Variants in CADM2 observed in about 807,000 individuals in gnomAD.
CADM2 encodes the protein cell adhesion molecule 2.
CADM2 carries 12 observed loss-of-function variants against 49.8 expected under a neutral mutation model. The observed-to-expected ratio is 0.24, with a 90% CI of 0.15 to 0.39. The LOEUF (loss-of-function observed/expected upper bound fraction) is 0.39, where lower values mean the gene tolerates loss of function less well. Ranked by LOEUF, CADM2 falls within the 10% of genes least tolerant of loss-of-function variation. The pLI is 1.00. For missense variants in CADM2, 378 were observed against 492.3 expected (o/e 0.77, Z 2.20); for synonymous variants, 214 against 175.4 (o/e 1.22, Z -1.74).
chr3:85,161,125 G>A (rs924283966), intron 1 of CADM2, among the ~76,000 whole-genome samples: 5 of 152,084 alleles, frequency 3.3e-5, no homozygotes, highest in Non-Finnish European at 5.9e-5. Context: ...AATATTGAAC[G>A]CTTTAGCTAA....
At chr3:85,555,436 AAAG>A (rs1278573832) in intron 1 of CADM2, among the ~76,000 whole-genome samples, 1 of 152,184 alleles carries the variant, frequency 6.6e-6, no homozygotes, top group African/African-American at 2.4e-5. Context: ...GTGACAAGGA[AAAG>A]AAGCTGGGTA....
At chr3:85,755,222 T>C (rs986685284) in intron 2 of CADM2, among the ~76,000 whole-genome samples, 2 of 151,892 alleles carry the variant, frequency 1.3e-5, no homozygotes, top group African/African-American at 4.8e-5. Flanking sequence ...AATGTGGGGG[T>C]TCCCTCAAGC....
chr3:85,165,708 C>T (rs1011949286), intron 1 of CADM2, among the ~76,000 whole-genome samples: 2 of 151,678 alleles, frequency 1.3e-5, no homozygotes, highest in Admixed American at 6.6e-5. Context: ...AACTTAAAAA[C>T]AAATGTGGGC....
chr3:85,984,234 T>G (rs1448481435), intron 8 of CADM2, among the ~76,000 whole-genome samples: 1 of 150,958 alleles, frequency 6.6e-6, no homozygotes, highest in Admixed American at 6.7e-5. Flanking sequence ...TAGGTCATTG[T>G]GATTTTTTAA....
intron 3 of CADM2, among the ~76,000 whole-genome samples, chr3:85,844,124 T>G (rs1036727525): frequency 6.6e-6 from 1 of 152,042 alleles, no homozygotes. Flanking sequence ...AATAATATCT[T>G]CCTTACAGAG....
At chr3:85,127,275 A>C (rs186589777) in intron 1 of CADM2, among the ~76,000 whole-genome samples, 171 of 152,344 alleles carry the variant, frequency 1.1e-3, no homozygotes, top group African/African-American at 4.0e-3. Flanking sequence ...CTTCAATGGA[A>C]TAATAGACCT....
intron 1 of CADM2, among the ~76,000 whole-genome samples, chr3:85,330,822 C>T (rs946797176): frequency 2.5e-4 from 37 of 149,400 alleles, no homozygotes; most frequent in African/African-American, 8.4e-4. Flanking sequence ...TAGCTCGGCA[C>T]GGTGGTGTGT....
intron 1 of CADM2, among the ~76,000 whole-genome samples, chr3:85,456,730 C>T (rs2038008200): frequency 6.6e-6 from 1 of 151,714 alleles, no homozygotes; most frequent in South Asian, 2.1e-4. Context: ...GTCTATAGGC[C>T]TACTTTTTTC....
intron 1 of CADM2, among the ~76,000 whole-genome samples, chr3:85,055,057 C>T (rs2036028912): frequency 6.6e-6 from 1 of 151,884 alleles, no homozygotes; most frequent in Non-Finnish European, 1.5e-5. Flanking sequence ...GTGTTTTAAA[C>T]TATTGAATTT....
intron 6 of CADM2, among the ~76,000 whole-genome samples, chr3:85,933,747 C>G (rs1193271011): frequency 6.6e-6 from 1 of 152,082 alleles, no homozygotes; most frequent in Non-Finnish European, 1.5e-5. Flanking sequence ...GTCCAAAGGT[C>G]TCAGGATCCA....
At chr3:85,161,661 T>C (rs2040328345) in intron 1 of CADM2, among the ~76,000 whole-genome samples, 1 of 152,162 alleles carries the variant, frequency 6.6e-6, no homozygotes, top group Non-Finnish European at 1.5e-5. Context: ...ATATGAATCA[T>C]ATGTTGACAT....
intron 1 of CADM2, among the ~76,000 whole-genome samples, chr3:85,436,420 C>T (rs760572469): frequency 6.6e-6 from 1 of 152,014 alleles, no homozygotes; most frequent in Non-Finnish European, 1.5e-5. Context: ...TTATTTCTTT[C>T]TTTTGCCTGA....
At chr3:85,006,491 T>C (rs1158268470) in intron 1 of CADM2, among the ~76,000 whole-genome samples, 1 of 152,188 alleles carries the variant, frequency 6.6e-6, no homozygotes, top group African/African-American at 2.4e-5. Flanking sequence ...CTTATTCTAG[T>C]TTGGAGAAAC....
At chr3:85,937,836 G>T (rs930447015) in intron 7 of CADM2, among the ~76,000 whole-genome samples, 1 of 151,938 alleles carries the variant, frequency 6.6e-6, no homozygotes, top group Non-Finnish European at 1.5e-5. Context: ...TTAATGTAGT[G>T]TGTTCTGGCA....
At chr3:85,068,036 A>G (rs1403013458) in intron 1 of CADM2, among the ~76,000 whole-genome samples, 2 of 152,154 alleles carry the variant, frequency 1.3e-5, no homozygotes, top group African/African-American at 4.8e-5. Flanking sequence ...CAAACTCCCA[A>G]AGGGAAAAAC....
intron 1 of CADM2, among the ~76,000 whole-genome samples, chr3:85,596,164 A>G (rs1276087819): frequency 6.6e-6 from 1 of 151,682 alleles, no homozygotes. Flanking sequence ...TATATATTTT[A>G]TTTTATTACT....
intron 1 of CADM2, among the ~76,000 whole-genome samples, chr3:85,606,291 G>A (rs1158177758): frequency 6.6e-6 from 1 of 151,854 alleles, no homozygotes; most frequent in Non-Finnish European, 1.5e-5. Flanking sequence ...TTATTCTAAT[G>A]CACTACTTAC....
chr3:85,834,843 T>G (rs2074336784), intron 3 of CADM2, among the ~76,000 whole-genome samples: 1 of 151,630 alleles, frequency 6.6e-6, no homozygotes, highest in Non-Finnish European at 1.5e-5. Context: ...ACAGGTGACA[T>G]CTTTAATTTC....
intron 3 of CADM2, among the ~76,000 whole-genome samples, chr3:85,820,788 T>G: frequency 6.6e-6 from 1 of 152,250 alleles, no homozygotes; most frequent in South Asian, 2.1e-4. Flanking sequence ...TCAGGCTTGA[T>G]GGCTTAAGAA....
Sources: allele counts gnomAD v4.1 joint callset (sites outside exome capture counted in the v4.1 genomes callset), GRCh38; gene constraint gnomAD v4.1.1; transcripts MANE v1.5; gene names NCBI Gene and HGNC (gene_info 2026-07-23, HGNC 2026-07-21).